CRB1: variants seen among roughly 807,000 people sequenced by gnomAD.
CRB1 encodes protein crumbs homolog 1.
Under a neutral mutation model 120.0 loss-of-function variants are expected in CRB1, and 83 were observed. The ratio of observed to expected loss-of-function variants is 0.69; its 90% CI spans 0.58 to 0.83. CRB1 has a LOEUF of 0.83. CRB1 is among the 40% of genes least tolerant of loss of function. CRB1 has a pLI of 0.00. For synonymous variants in CRB1, 625 were observed against 612.5 expected (o/e 1.02, Z -0.30); for missense variants, 1,699 against 1,687.6 (o/e 1.01, Z -0.12).
intron 11 of CRB1, among the ~76,000 whole-genome samples, chr1:197,453,309 A>G (rs1181652486): frequency 5.4e-5 from 1 of 18,478 alleles, no homozygotes; most frequent in Non-Finnish European, 4.8e-3. Flanking sequence ...ATAAGTATAT[A>G]TATTTATATA....
intron 1 of CRB1, among the ~76,000 whole-genome samples, chr1:197,308,478 G>A (rs931349687): frequency 6.6e-6 from 1 of 152,150 alleles, no homozygotes; most frequent in Non-Finnish European, 1.5e-5. Flanking sequence ...TAGGAGTAAT[G>A]ATAGGTTGTA....
chr1:197,361,911 T>G (rs1660789798), intron 5 of CRB1, among the ~76,000 whole-genome samples: 1 of 151,920 alleles, frequency 6.6e-6, no homozygotes. Flanking sequence ...TTTTCTAGCT[T>G]CTTGAGGTAG....
intron 11 of CRB1, among the ~76,000 whole-genome samples, chr1:197,449,970 G>A (rs138439071): frequency 6.6e-6 from 1 of 152,274 alleles, no homozygotes; most frequent in East Asian, 1.9e-4. Context: ...CTGTAAGATT[G>A]CAAACGTCTC....
At chr1:197,349,368 ACT>A (rs1411411452) in intron 4 of CRB1, among the ~76,000 whole-genome samples, 1 of 152,128 alleles carries the variant, frequency 6.6e-6, no homozygotes, top group East Asian at 1.9e-4. Context: ...GTGATGCATG[ACT>A]CTTTTTTAAA....
At chr1:197,347,048 A>C (rs1659816280) in intron 3 of CRB1, among the ~76,000 whole-genome samples, 1 of 152,192 alleles carries the variant, frequency 6.6e-6, no homozygotes, top group South Asian at 2.1e-4. Context: ...ATGCATACTT[A>C]ATTGTCACAA....
the CRB1 span, among the ~76,000 whole-genome samples, chr1:197,220,383 A>G: frequency 6.6e-6 from 1 of 152,198 alleles, no homozygotes; most frequent in Non-Finnish European, 1.5e-5. Context: ...ACATAAAAAC[A>G]TTGGATTAGG....
chr1:197,354,606 G>C (rs986466500), intron 4 of CRB1, among the ~76,000 whole-genome samples: 28 of 152,082 alleles, frequency 1.8e-4, no homozygotes, highest in Non-Finnish European at 7.4e-5. Flanking sequence ...CCTCCTGGAG[G>C]GTTCGTGGTC....
intron 6 of CRB1, among the ~76,000 whole-genome samples, chr1:197,425,389 G>A (rs1477644862): frequency 2.6e-5 from 4 of 152,146 alleles, no homozygotes; most frequent in Non-Finnish European, 5.9e-5. Context: ...AAACACAGTT[G>A]ATTGTCTAAG....
chr1:197,231,219 C>T, the CRB1 span, among the ~76,000 whole-genome samples: 2 of 152,158 alleles, frequency 1.3e-5, no homozygotes, highest in Non-Finnish European at 2.9e-5. Flanking sequence ...ATTCCTGCTT[C>T]ATTTTAAAGT....
the CRB1 span, among the ~76,000 whole-genome samples, chr1:197,205,372 TTGGC>T: frequency 2.0e-5 from 3 of 152,242 alleles, no homozygotes; most frequent in South Asian, 6.2e-4. Context: ...CAATATAATG[TTGGC>T]TGTGAATTTG....
intron 1 of CRB1, among the ~76,000 whole-genome samples, chr1:197,310,953 A>G (rs887658797): frequency 2.6e-5 from 4 of 152,194 alleles, no homozygotes; most frequent in South Asian, 4.1e-4. Flanking sequence ...GAATATTTTG[A>G]TGAACAATAA....
chr1:197,358,495 C>T (rs1660603261), intron 5 of CRB1, among the ~76,000 whole-genome samples: 1 of 152,130 alleles, frequency 6.6e-6, no homozygotes, highest in Non-Finnish European at 1.5e-5. Context: ...TGAAGAGCTG[C>T]CAGGAATGAC....
chr1:197,324,501 T>C (rs1199029407), intron 1 of CRB1, among the ~76,000 whole-genome samples: 3 of 152,298 alleles, frequency 2.0e-5, no homozygotes, highest in East Asian at 3.9e-4. Flanking sequence ...TTCCTAATAA[T>C]AATAAGAACA....
the CRB1 span, among the ~76,000 whole-genome samples, chr1:197,258,892 C>T: frequency 1.3e-5 from 2 of 152,094 alleles, no homozygotes; most frequent in Non-Finnish European, 2.9e-5. Flanking sequence ...AAGAATGACT[C>T]AATATGTGTT....
At chr1:197,316,412 T>C (rs1228080589) in intron 1 of CRB1, among the ~76,000 whole-genome samples, 4 of 151,766 alleles carry the variant, frequency 2.6e-5, no homozygotes. Flanking sequence ...TCTCATCTCC[T>C]GACCTCGTGA....
At chr1:197,375,766 A>C (rs1358650081) in intron 5 of CRB1, among the ~76,000 whole-genome samples, 2 of 152,088 alleles carry the variant, frequency 1.3e-5, no homozygotes, top group Non-Finnish European at 2.9e-5. Flanking sequence ...TTTCCACTCT[A>C]TTCTAAATCA....
At chr1:197,211,003 T>C in the CRB1 span, among the ~76,000 whole-genome samples, 2 of 152,208 alleles carry the variant, frequency 1.3e-5, no homozygotes, top group Non-Finnish European at 2.9e-5. Context: ...AAATATAACA[T>C]TTTAAATAAG....
the CRB1 span, among the ~76,000 whole-genome samples, chr1:197,239,105 T>A: frequency 6.6e-6 from 1 of 152,086 alleles, no homozygotes; most frequent in Non-Finnish European, 1.5e-5. Flanking sequence ...TTAATTATTT[T>A]AAATTTATTA....
intron 5 of CRB1, among the ~76,000 whole-genome samples, chr1:197,366,206 C>T (rs1368984760): frequency 6.6e-6 from 1 of 151,998 alleles, no homozygotes; most frequent in Non-Finnish European, 1.5e-5. Flanking sequence ...TTTCTTCCAT[C>T]CCGAATAGTT....
Sources: gnomAD v4.1 joint callset for allele counts (sites outside exome capture counted in the v4.1 genomes callset) on GRCh38, gnomAD v4.1.1 for gene constraint, MANE v1.5 for transcripts, NCBI Gene and HGNC (gene_info 2026-07-23, HGNC 2026-07-21) for gene names.